APBB2: variants seen among roughly 807,000 people sequenced by gnomAD.
APBB2 encodes the protein Fe65-like 1.
In APBB2, 38 loss-of-function variants were observed where a neutral mutation model predicts 82.5. The observed-to-expected ratio is 0.46, with a 90% CI of 0.36 to 0.60. The LOEUF (loss-of-function observed/expected upper bound fraction) is 0.60. Ranked by LOEUF, APBB2 falls within the 20% of genes least tolerant of loss-of-function variation. The pLI is 0.00. For missense variants in APBB2, 772 were observed against 972.3 expected (o/e 0.79, Z 2.74); for synonymous variants, 341 against 368.2 (o/e 0.93, Z 0.85).
At chr4:41,069,001 G>A (rs1732915542) in intron 3 of APBB2, among the ~76,000 whole-genome samples, 1 of 151,678 alleles carries the variant, frequency 6.6e-6, no homozygotes, top group South Asian at 2.1e-4. Context: ...TCACCATGTT[G>A]GCCAGGATGG....
chr4:41,105,833 C>T (rs1195455846), intron 2 of APBB2, among the ~76,000 whole-genome samples: 4 of 151,576 alleles, frequency 2.6e-5, no homozygotes, highest in East Asian at 1.9e-4. Flanking sequence ...TTGCGGTGAG[C>T]CCAGATAGCG....
intron 6 of APBB2, among the ~76,000 whole-genome samples, chr4:40,995,536 TA>T (rs1189360025): frequency 1.1e-3 from 157 of 147,802 alleles, no homozygotes; most frequent in African/African-American, 3.2e-3. Flanking sequence ...GGCTAATGTT[TA>T]AAAAAAAAAA....
chr4:41,168,537 G>GT (rs1767353648), intron 1 of APBB2, among the ~76,000 whole-genome samples: 2 of 151,992 alleles, frequency 1.3e-5, no homozygotes, highest in South Asian at 4.2e-4. Context: ...GCTTATATTT[G>GT]TTTTTTATAA....
rs537113396 is a variant in APBB2, at chr4:40,895,130, GCA to G, written c.1255-1721_1255-1720del. On this transcript the variant is annotated intron_variant, in intron 10 of 17. Transcript: ENST00000508593. ...CCACCTTCCCTCTTCCAGTCACCGT[GCA>G]CAGACTGGGCACCTCGTTCCTGAGC... Among the ~76,000 whole-genome samples the G allele has an allele frequency of 2.0e-4, 30 of 152,286 alleles. No individual in the cohort carries two copies. The South Asian group carries it at 5.4e-3, about 27-fold the overall frequency.
intron 3 of APBB2, among the ~76,000 whole-genome samples, chr4:41,070,169 C>T (rs561108910): frequency 1.3e-5 from 2 of 152,234 alleles, no homozygotes; most frequent in South Asian, 4.1e-4. Context: ...AGTCTCGCTT[C>T]CTTGAAAATT....
Position 40,815,470 on chromosome 4 carries a change from C to G in APBB2, c.*622G>C, listed in dbSNP as rs1173066721. 6.6e-6 allele frequency: 1 copy of G among 152,544 alleles called. No homozygotes were observed. Among genetic ancestry groups the G allele is most frequent in the Admixed American group, 6.5e-5 (1 of 15,282 alleles). The allele number at this position is 152,544 out of a possible 1,614,324, so 9.4% of individuals were successfully genotyped here. On this transcript the variant is annotated 3_prime_UTR_variant, in exon 18 of 18. Transcript: ENST00000508593. ...TCATTTTTTTCCAACATCCCACAAA[C>G]AGCTGTAGACATGAAATGGTGTCCA...
chr4:41,162,412 G>A (rs1044711476), intron 1 of APBB2, among the ~76,000 whole-genome samples: 5 of 151,110 alleles, frequency 3.3e-5, no homozygotes, highest in African/African-American at 1.2e-4. Context: ...CTGTCTCAAA[G>A]TCTGGATTTT....
chr4:40,950,715 C>A lies in APBB2; in HGVS notation c.836-5642G>T, dbSNP rs141579348. On this transcript the variant is annotated intron_variant, in intron 6 of 17. Transcript: ENST00000508593. ...CAAATTAGCCGAGTGTGGTTGCATGCCCCTGTAGTCCCAGCTACTCAAGAT... is the reference window on the plus strand; with the variant it reads ...CAAATTAGCCGAGTGTGGTTGCATGACCCTGTAGTCCCAGCTACTCAAGAT... Among the ~76,000 whole-genome samples the A allele has an allele frequency of 2.6e-5, 4 of 151,978 alleles. No individual in the cohort carries two copies. The South Asian group carries it at 8.3e-4, about 32-fold the overall frequency.
chr4:40,855,747 C>A (rs945806892), intron 12 of APBB2, among the ~76,000 whole-genome samples: 6 of 145,260 alleles, frequency 4.1e-5, no homozygotes, highest in Admixed American at 6.9e-5. Flanking sequence ...AAAAAAAAAA[C>A]AAAAAAAAGG....
intron 1 of APBB2, among the ~76,000 whole-genome samples, chr4:41,213,153 GTTT>G (rs765430966): frequency 2.7e-5 from 4 of 150,058 alleles, no homozygotes; most frequent in African/African-American, 1.0e-4. Context: ...CATTGTGTTT[GTTT>G]TTTTTAAATC....
intron 2 of APBB2, among the ~76,000 whole-genome samples, chr4:41,121,536 G>T (rs1752814981): frequency 6.6e-6 from 1 of 152,210 alleles, no homozygotes; most frequent in African/African-American, 2.4e-5. Context: ...ACAGAGTTGG[G>T]ATGCAGCTAA....
chr4:40,976,429 A>G (rs562338463), intron 6 of APBB2, among the ~76,000 whole-genome samples: 1 of 152,364 alleles, frequency 6.6e-6, no homozygotes, highest in Admixed American at 6.5e-5. Context: ...TGTTGATCTG[A>G]CACCAGGGGG....
intron 4 of APBB2, among the ~76,000 whole-genome samples, chr4:41,040,160 G>T (rs999897252): frequency 2.6e-5 from 4 of 151,924 alleles, no homozygotes; most frequent in African/African-American, 7.3e-5. Flanking sequence ...GCAGAGGAAG[G>T]GCTGTCAAAA....
At chr4:40,982,345 AGGAAGGAAGGAAG>A (rs1799048518) in intron 6 of APBB2, among the ~76,000 whole-genome samples, 2 of 13,630 alleles carry the variant, frequency 1.5e-4, no homozygotes, top group East Asian at 2.1e-3. Context: ...GAAGGAAGGA[AGGAAGGAAGGAAG>A]GAAGGAAGGA....
intron 4 of APBB2, among the ~76,000 whole-genome samples, chr4:41,041,258 A>AT (rs1326167592): frequency 1.3e-5 from 2 of 152,176 alleles, no homozygotes; most frequent in Non-Finnish European, 1.5e-5. Flanking sequence ...ACAGTCAACT[A>AT]TTTAAAAAAA....
chr4:41,158,355 G>A (rs1560907850), intron 1 of APBB2, among the ~76,000 whole-genome samples: 1 of 152,172 alleles, frequency 6.6e-6, no homozygotes, highest in Non-Finnish European at 1.5e-5. Flanking sequence ...ATTTCTCTAA[G>A]AGTTTATGTC....
intron 10 of APBB2, among the ~76,000 whole-genome samples, chr4:40,932,595 C>T (rs1784463976): frequency 6.6e-6 from 1 of 151,738 alleles, no homozygotes; most frequent in African/African-American, 2.4e-5. Context: ...GGATTCAGAA[C>T]AAATAAAAAA....
chr4:40,910,399 C>T (rs190815866), intron 10 of APBB2, among the ~76,000 whole-genome samples: 4 of 151,990 alleles, frequency 2.6e-5, no homozygotes, highest in African/African-American at 7.2e-5. Flanking sequence ...CTACCATACC[C>T]GGCTAATTTT....
At chr4:41,021,368 G>C (rs1029351787) in intron 5 of APBB2, among the ~76,000 whole-genome samples, 1 of 152,212 alleles carries the variant, frequency 6.6e-6, no homozygotes, top group African/African-American at 2.4e-5. Context: ...AAGTCAGCTG[G>C]ACTTCCTGGG....
Sources: gnomAD v4.1 joint callset for allele counts (sites outside exome capture counted in the v4.1 genomes callset) on GRCh38, gnomAD v4.1.1 for gene constraint, MANE v1.5 for transcripts, NCBI Gene and HGNC (gene_info 2026-07-23, HGNC 2026-07-21) for gene names.